Variants in FBXL17 observed in about 807,000 individuals in gnomAD.
FBXL17 encodes F-box and leucine rich repeat protein 17.
Under a neutral mutation model 66.2 loss-of-function variants are expected in FBXL17, and 22 were observed. The observed-to-expected ratio is 0.33, with a 90% CI of 0.24 to 0.47. FBXL17 has a LOEUF of 0.47. Among genes scored for constraint, FBXL17 ranks in the 20% least tolerant of loss-of-function variants. FBXL17 has a pLI of 1.00. For missense variants in FBXL17, 878 were observed against 948.2 expected (o/e 0.93, Z 0.97); for synonymous variants, 474 against 400.5 (o/e 1.18, Z -2.19).
At chr5:108,268,358 T>A (rs969750849) in intron 4 of FBXL17, among the ~76,000 whole-genome samples, 1 of 152,076 alleles carries the variant, frequency 6.6e-6, no homozygotes, top group Admixed American at 6.6e-5. Context: ...ACTCCTCTTT[T>A]TACTTTCGAA....
At chr5:108,122,520 T>C (rs1750543031) in intron 6 of FBXL17, among the ~76,000 whole-genome samples, 1 of 152,240 alleles carries the variant, frequency 6.6e-6, no homozygotes, top group Admixed American at 6.5e-5. Context: ...TTATGTTTTA[T>C]GGTAACTTAT....
In FBXL17 at chr5:107,932,675, T is replaced by C. The variant is rs763450493; in HGVS notation, c.1823-51496A>G. Among the ~76,000 whole-genome samples the C allele has an allele frequency of 5.9e-5, 9 of 152,136 alleles. No homozygotes were observed. In the South Asian group the frequency reaches 6.2e-4, roughly 11 times the overall value. The stretch of plus-strand genomic sequence containing the variant: ...AAATTTCAAGAATCAAAGACATTCT[T>C]AAAAAATTCAAAATGAACATGATTT... On this transcript the variant is annotated intron_variant, in intron 7 of 8. Transcript: ENST00000542267.
At chr5:108,355,562 C>T (rs745427529) in intron 3 of FBXL17, among the ~76,000 whole-genome samples, 3 of 152,078 alleles carry the variant, frequency 2.0e-5, no homozygotes, top group African/African-American at 4.8e-5. Context: ...GAATTTCAGA[C>T]ATAAGCCACC....
intron 7 of FBXL17, among the ~76,000 whole-genome samples, chr5:107,992,186 T>A (rs1030473490): frequency 1.3e-5 from 2 of 152,084 alleles, no homozygotes; most frequent in African/African-American, 2.4e-5. Flanking sequence ...ATTTTCTTTA[T>A]GATAAATAAG....
chr5:108,278,439 A>G (rs6883115), intron 4 of FBXL17, among the ~76,000 whole-genome samples: 10,482 of 152,164 alleles, frequency 0.069, 1,206 homozygotes, highest in African/African-American at 0.24. Flanking sequence ...TCAGGGGTGG[A>G]CTCCTGCAAA....
At chr5:107,891,746 G>A (rs1427938759) in intron 7 of FBXL17, among the ~76,000 whole-genome samples, 1 of 152,062 alleles carries the variant, frequency 6.6e-6, no homozygotes, top group Non-Finnish European at 1.5e-5. Context: ...AAGTGTCCTT[G>A]GATTAGTAGG....
chr5:108,224,773 T>G (rs987483510), intron 4 of FBXL17, among the ~76,000 whole-genome samples: 23 of 151,868 alleles, frequency 1.5e-4, no homozygotes, highest in South Asian at 4.2e-4. Context: ...TTTGGTTTTT[T>G]TTGTTGTTGT....
intron 4 of FBXL17, among the ~76,000 whole-genome samples, chr5:108,258,988 T>A (rs1372637207): frequency 6.6e-6 from 1 of 152,154 alleles, no homozygotes; most frequent in Non-Finnish European, 1.5e-5. Flanking sequence ...CAAGGCAGTC[T>A]ATAGATCATA....
intron 7 of FBXL17, among the ~76,000 whole-genome samples, chr5:108,000,793 G>A (rs146093850): frequency 8.5e-5 from 13 of 152,182 alleles, no homozygotes; most frequent in Admixed American, 3.9e-4. Context: ...TCAACCTTCC[G>A]TTCTTGAAAT....
intron 4 of FBXL17, among the ~76,000 whole-genome samples, chr5:108,269,932 A>G (rs1757198258): frequency 6.6e-6 from 1 of 152,126 alleles, no homozygotes; most frequent in Non-Finnish European, 1.5e-5. Flanking sequence ...CTGTTGCTAC[A>G]AATATCAAGG....
intron 4 of FBXL17, among the ~76,000 whole-genome samples, chr5:108,242,122 A>G (rs1027930170): frequency 6.6e-6 from 1 of 152,222 alleles, no homozygotes. Flanking sequence ...AAAACACAGA[A>G]TATTATAATA....
chr5:108,340,769 C>A (rs1265564776), intron 4 of FBXL17, among the ~76,000 whole-genome samples: 1 of 152,122 alleles, frequency 6.6e-6, no homozygotes, highest in Non-Finnish European at 1.5e-5. Flanking sequence ...ATGCACAATG[C>A]AGTAGTAACC....
chr5:107,888,353 T>G (rs985064037), intron 7 of FBXL17, among the ~76,000 whole-genome samples: 1 of 152,200 alleles, frequency 6.6e-6, no homozygotes, highest in Non-Finnish European at 1.5e-5. Flanking sequence ...TCATTTTTCA[T>G]AGTTTTAATT....
intron 7 of FBXL17, among the ~76,000 whole-genome samples, chr5:108,005,721 T>C (rs72798122): frequency 0.038 from 5,824 of 152,308 alleles, 151 homozygotes; most frequent in Non-Finnish European, 0.052. Context: ...AAATACCTGA[T>C]AGGGACACCA....
At chr5:108,133,910 A>G (rs1389254254) in intron 6 of FBXL17, among the ~76,000 whole-genome samples, 1 of 152,160 alleles carries the variant, frequency 6.6e-6, no homozygotes, top group Non-Finnish European at 1.5e-5. Context: ...TTCAGTAAAT[A>G]CCAGCTGCTC....
At chr5:107,965,948 A>G (rs1561342961) in intron 7 of FBXL17, among the ~76,000 whole-genome samples, 1 of 152,000 alleles carries the variant, frequency 6.6e-6, no homozygotes, top group African/African-American at 2.4e-5. Flanking sequence ...GTCTAGTGAC[A>G]GTTTTTTTTC....
intron 6 of FBXL17, among the ~76,000 whole-genome samples, chr5:108,102,526 T>C (rs1345863947): frequency 6.6e-6 from 1 of 152,142 alleles, no homozygotes; most frequent in Non-Finnish European, 1.5e-5. Context: ...ATGAAAATAA[T>C]GCCTACATTA....
intron 5 of FBXL17, among the ~76,000 whole-genome samples, chr5:108,194,220 C>G (rs764590461): frequency 4.6e-5 from 7 of 152,118 alleles, no homozygotes; most frequent in African/African-American, 1.4e-4. Context: ...TCACTACGCT[C>G]GGTGAACTGT....
intron 6 of FBXL17, among the ~76,000 whole-genome samples, chr5:108,044,690 A>G (rs1747183057): frequency 6.6e-6 from 1 of 152,212 alleles, no homozygotes; most frequent in African/African-American, 2.4e-5. Context: ...TAGTTTCTGG[A>G]AAATATTGTC....
Sources: allele counts gnomAD v4.1 joint callset (sites outside exome capture counted in the v4.1 genomes callset), GRCh38; gene constraint gnomAD v4.1.1; transcripts MANE v1.5; gene names NCBI Gene and HGNC (gene_info 2026-07-23, HGNC 2026-07-21).